Variants in FAM83C observed in about 807,000 individuals in gnomAD.
FAM83C encodes the protein protein FAM83C.
In FAM83C, 23 loss-of-function variants were observed where a neutral mutation model predicts 27.1. The ratio of observed to expected loss-of-function variants is 0.85; its 90% CI spans 0.61 to 1.20. The LOEUF is 1.20. FAM83C is among the 50% of genes most tolerant of loss of function. The probability of loss-of-function intolerance (pLI) is 0.00; values close to 1 mark genes in which losing one functional copy is unlikely to be tolerated. For missense variants in FAM83C, 984 were observed against 1,001.3 expected, an observed-to-expected ratio of 0.98 and a Z score of 0.23; for synonymous variants, 426 against 423.1, an observed-to-expected ratio of 1.01 and a Z score of -0.09.
Position 35,287,695 on chromosome 20 carries a change from A to G in FAM83C, c.1084T>C (p.Tyr362His), listed in dbSNP as rs1027501291. ...KQSPLMGRSS[Y>H]LALPGGGDCS... is the part of the protein sequence containing the mutation. ...TCACCACCTCCTGGTAGAGCGAGGTAGGAGGAGCGACCCATAAGCGGTGAC... is the reference window on the plus strand; with the variant it reads ...TCACCACCTCCTGGTAGAGCGAGGTGGGAGGAGCGACCCATAAGCGGTGAC... Residue 362 changes from tyrosine to histidine, a missense_variant, in exon 4 of 4, where the codon TAC becomes CAC. Physicochemically the swap from Tyr to His is moderately conservative, Grantham distance 83 (BLOSUM62 2). Coordinates refer to ENST00000374408, the MANE Select transcript of FAM83C (RefSeq NM_178468.6). 3.7e-6 allele frequency: 6 copies of G among 1,613,984 alleles called. No individual in the cohort carries two copies. Among genetic ancestry groups the G allele is most frequent in the African/African-American group, 1.3e-5 (1 of 74,980 alleles).
rs1474245176 is a variant in FAM83C at position 35,292,243 on chromosome 20, C to T, written c.62G>A (p.Gly21Asp). ...CGGCAGCTTCAGCTCTTCCACCCGG[C>T]CCCGCAGGGGTCCCGCCATGCCCTG... ...GAQGMAGPLRGRVEELKLPWW... is the reference protein window; with the variant it reads ...GAQGMAGPLRDRVEELKLPWW... Residue 21 changes from glycine (G) to aspartate (D), a missense_variant, in exon 1 of 4, where the codon GGC becomes GAC. Transcript: ENST00000374408. 2 of 1,561,340 alleles carry T rather than the reference C, an allele frequency of 1.3e-6. No individual in the cohort carries two copies. Among genetic ancestry groups the T allele is most frequent in the Non-Finnish European group, 1.7e-6 (2 of 1,162,094 alleles).
chr20:35,286,372 T>C lies in FAM83C; in HGVS notation c.*163A>G. 1 of 606,902 alleles carries C rather than the reference T, an allele frequency of 1.6e-6. No homozygotes were observed. Among genetic ancestry groups the C allele is most frequent in the South Asian group, 2.0e-5 (1 of 50,004 alleles). The allele number at this position is 606,902 out of a possible 1,614,324, so 37.6% of individuals were successfully genotyped here. Reference sequence around the variant, plus strand: ...TAGTTAGGGTGTGTGTGTGTGTGTGTGTGTGTGTGTGTGTACACAAGAATC... The same window carrying C: ...TAGTTAGGGTGTGTGTGTGTGTGTGCGTGTGTGTGTGTGTACACAAGAATC... On this transcript the variant is annotated 3_prime_UTR_variant, in exon 4 of 4. Coordinates refer to ENST00000374408, the MANE Select transcript of FAM83C (RefSeq NM_178468.6).
Position 35,289,077 on chromosome 20 carries a change from C to T in FAM83C, c.514-119G>A, listed in dbSNP as rs181593457. 3.3e-5 allele frequency: 43 copies of T among 1,305,326 alleles called. No individual in the cohort carries two copies. In the East Asian group the frequency reaches 9.6e-4, roughly 29 times the overall value. The allele number at this position is 1,305,326 out of a possible 1,614,324, so 80.9% of individuals were successfully genotyped here. ...GAGTACTGGACTGAAAATCAGGAGG[C>T]CAGAGCCTTCAAGAGCAAGTGAACA... On this transcript the variant is annotated intron_variant, in intron 1 of 3. Coordinates refer to ENST00000374408, the MANE Select transcript of FAM83C (RefSeq NM_178468.6).
Position 35,292,298 on chromosome 20 carries a change from C to G in FAM83C, c.7G>C (p.Gly3Arg), listed in dbSNP as rs765547645. The G allele has an allele frequency of 1.1e-4, 164 of 1,511,512 alleles. No homozygotes were observed. The highest frequency in any genetic ancestry group is 1.4e-4 in the Non-Finnish European group (161 of 1,136,080). 93.6% of individuals were successfully genotyped at this position (1,511,512 alleles called of 1,614,324 possible). ...CCCAGGACCCCAGGCCCCGGGCCTC[C>G]GAACATGCCTGCCACGCGGCTGCCT... MF[G>R]GPGPGVLGAQ... The change falls in exon 1 of 4, where the codon GGA becomes CGA. Residue 3 changes from glycine to arginine, a missense_variant. Physicochemically the swap from Gly to Arg is moderately radical, Grantham distance 125. Coordinates refer to ENST00000374408, the MANE Select transcript of FAM83C (RefSeq NM_178468.6).
In FAM83C at chr20:35,292,287, C is replaced by G. The variant is rs1225764612; in HGVS notation, c.18G>C (p.Gly6=). 1 of 1,530,862 alleles carries G rather than the reference C, an allele frequency of 6.5e-7. No individual in the cohort carries two copies. 94.8% of individuals were successfully genotyped at this position (1,530,862 alleles called of 1,614,324 possible). The change falls in exon 1 of 4, where the codon GGG becomes GGC. Residue 6 remains glycine, a synonymous_variant. Coordinates refer to ENST00000374408, the MANE Select transcript of FAM83C (RefSeq NM_178468.6). MFGGP[G]PGVLGAQGMA... Reference sequence around the variant, plus strand: ...TGCCCTGGGCTCCCAGGACCCCAGGCCCCGGGCCTCCGAACATGCCTGCCA... The same window carrying G: ...TGCCCTGGGCTCCCAGGACCCCAGGGCCCGGGCCTCCGAACATGCCTGCCA...
chr20:35,291,995 G>T lies in FAM83C; in HGVS notation c.310C>A (p.Arg104Ser). 2 of 1,613,426 alleles carry T rather than the reference G, an allele frequency of 1.2e-6. No individual in the cohort carries two copies. The highest frequency in any genetic ancestry group is 1.7e-4 in the Middle Eastern group (1 of 6,048). ...GTGACTTCAGAGAGCAGGCTGAGGC[G>T]GTCTGGCCCGGAGGCCTCCTGCCCC... ...AQGQEASGPD[R>S]LSLLSEVTSG... Residue 104 changes from arginine (R) to serine (S), a missense_variant, in exon 1 of 4, where the codon CGC becomes AGC. Physicochemically the swap from Arg to Ser is moderately radical, Grantham distance 110. Coordinates refer to ENST00000374408, the MANE Select transcript of FAM83C (RefSeq NM_178468.6).
At chr20:35,289,911 G>A (rs1482611408) in intron 1 of FAM83C, among the ~76,000 whole-genome samples, 4 of 152,166 alleles carry the variant, frequency 2.6e-5, no homozygotes, top group African/African-American at 9.7e-5. Context: ...CTGAGCCCCA[G>A]ATGGGACAGC....
intron 3 of FAM83C, 102 bp from the exon 4 acceptor site, chr20:35,288,074 C>G (rs2060835390): frequency 1.0e-6 from 1 of 966,820 alleles, no homozygotes; most frequent in Non-Finnish European, 1.5e-6. Context: ...CACGCTAGAC[C>G]CAAACCCCAC....
Position 35,286,386 on chromosome 20 carries a change from T to TGTAA in FAM83C, c.*148_*149insTTAC. 3.5e-6 allele frequency: 2 copies of TGTAA among 575,524 alleles called. No homozygotes were observed. Among genetic ancestry groups the TGTAA allele is most frequent in the Non-Finnish European group, 5.8e-6 (2 of 346,430 alleles). 35.7% of individuals were successfully genotyped at this position (575,524 alleles called of 1,614,324 possible). On this transcript the variant is annotated 3_prime_UTR_variant, in exon 4 of 4. Coordinates refer to ENST00000374408, the MANE Select transcript of FAM83C (RefSeq NM_178468.6). ...GTGTGTGTGTGTGTGTGTGTGTGTG[T>TGTAA]ACACAAGAATCTTGAGCCCAGAGAG...
chr20:35,287,536 C>G lies in FAM83C; in HGVS notation c.1243G>C (p.Gly415Arg). The change falls in exon 4 of 4, where the codon GGC becomes CGC. Residue 415 changes from glycine (G) to arginine (R), a missense_variant. By Grantham distance (125) the Gly-to-Arg change is moderately radical. Coordinates refer to ENST00000374408, the MANE Select transcript of FAM83C (RefSeq NM_178468.6). ...SPPGLYRANL[G>R]KLGAYPWSQS... ...GACCATGGGTATGCCCCTAGCTTGC[C>G]GAGATTGGCCCTATAGAGCCCAGGA... The G allele has an allele frequency of 1.9e-6, 3 of 1,614,046 alleles. No individual in the cohort carries two copies. The highest frequency in any genetic ancestry group is 2.5e-6 in the Non-Finnish European group (3 of 1,179,984).
rs544428835 is a variant in FAM83C, at chr20:35,291,393, G to A, written c.513+399C>T. Among the ~76,000 whole-genome samples, 3 of 152,354 alleles carry A rather than the reference G, an allele frequency of 2.0e-5. No individual in the cohort carries two copies. The East Asian group carries it at 5.8e-4, about 29-fold the overall frequency. ...CTCAGTTTCTTCTTCTATAAGTGAA[G>A]GAGGTGACTCAGATGTTCCCCAAGG... On this transcript the variant is annotated intron_variant, in intron 1 of 3. Transcript: ENST00000374408.
Position 35,287,175 on chromosome 20 carries a change from C to T in FAM83C, c.1604G>A (p.Arg535Gln), listed in dbSNP as rs763586783. 8.7e-6 allele frequency: 14 copies of T among 1,607,870 alleles called. No individual in the cohort carries two copies. Among genetic ancestry groups the T allele is most frequent in the Admixed American group, 3.3e-5 (2 of 59,908 alleles). ...GTCCTCTGGGGCCTGCTCGCCAGGC[C>T]GAAGGGGGCCTGAGTTGGGGGTAAC... The part of the protein sequence containing the change: ...SGVTPNSGPL[R>Q]PGEQAPEDRR... Residue 535 changes from arginine (R) to glutamine (Q), a missense_variant, in exon 4 of 4, where the codon CGG becomes CAG. By Grantham distance (43) the Arg-to-Gln change is conservative. Transcript: ENST00000374408.
At position 35,287,220 on chromosome 20, in the gene FAM83C, A is replaced by G. The variant is rs1191725989; in HGVS notation, c.1559T>C (p.Val520Ala). The G allele has an allele frequency of 9.3e-6, 15 of 1,612,334 alleles. No homozygotes were observed. The highest frequency in any genetic ancestry group is 1.2e-5 in the Non-Finnish European group (14 of 1,179,950). ...LLVPFPRAREVGDPDSGVTPN... is the reference protein window; with the variant it reads ...LLVPFPRAREAGDPDSGVTPN... ...GGTAACCCCAGAGTCAGGGTCTCCCACTTCTCGGGCTCTGGGGAAGGGGAC... is the reference window on the plus strand; with the variant it reads ...GGTAACCCCAGAGTCAGGGTCTCCCGCTTCTCGGGCTCTGGGGAAGGGGAC... The change falls in exon 4 of 4, where the codon GTG becomes GCG. Residue 520 changes from valine to alanine, a missense_variant. Physicochemically the swap from Val to Ala is moderately conservative, Grantham distance 64. Transcript: ENST00000374408.
At chr20:35,289,124 C>T (rs2060839310) in intron 1 of FAM83C, among the ~76,000 whole-genome samples, 166 bp from the exon 2 acceptor site, 1 of 152,210 alleles carries the variant, frequency 6.6e-6, no homozygotes, top group Admixed American at 6.5e-5. Context: ...TAGCAGTGAC[C>T]TAGCCCAGGG....
At chr20:35,289,045 G>T in intron 1 of FAM83C, 87 bp from the exon 2 acceptor site, 17 of 1,502,118 alleles carry the variant, frequency 1.1e-5, no homozygotes, top group Non-Finnish European at 1.5e-5. Flanking sequence ...ACTGGGCGCC[G>T]GGAAAAGAGT....
chr20:35,287,673 C>T lies in FAM83C; in HGVS notation c.1106G>A (p.Gly369Asp), dbSNP rs755561921. Reference sequence around the variant, plus strand: ...CACCACACCCGTATCACTGCAATCACCACCTCCTGGTAGAGCGAGGTAGGA... The same window carrying T: ...CACCACACCCGTATCACTGCAATCATCACCTCCTGGTAGAGCGAGGTAGGA... The part of the protein sequence containing the change: ...RSSYLALPGG[G>D]DCSDTGVVSS... Residue 369 changes from glycine (G) to aspartate (D), a missense_variant, in exon 4 of 4, where the codon GGT becomes GAT. By Grantham distance (94) the Gly-to-Asp change is moderately conservative. Transcript: ENST00000374408. The T allele has an allele frequency of 6.8e-6, 11 of 1,613,920 alleles. No homozygotes were observed. In the East Asian group the frequency reaches 2.0e-4, roughly 29 times the overall value.
chr20:35,288,736 G>T (rs2060837795), intron 2 of FAM83C, 55 bp downstream of exon 2: 1 of 1,538,814 alleles, frequency 6.5e-7, no homozygotes, highest in Admixed American at 1.8e-5. Context: ...TGGCTCCCCT[G>T]CCCTCCCTGA....
chr20:35,288,882 C>G lies in FAM83C; in HGVS notation c.590G>C (p.Gly197Ala). 6.2e-7 allele frequency: 1 copy of G among 1,614,184 alleles called. No homozygotes were observed. The highest frequency in any genetic ancestry group is 8.5e-7 in the Non-Finnish European group (1 of 1,180,038). The change falls in exon 2 of 4, where the codon GGT (glycine) becomes GCT (alanine). Residue 197 changes from glycine to alanine, a missense_variant. Gly to Ala is a moderately conservative substitution (Grantham distance 60). Coordinates refer to ENST00000374408, the MANE Select transcript of FAM83C (RefSeq NM_178468.6). ...GGCAAGGAGCAGGTACACAGGGACA[C>G]CACGCCGGCTTGAGGCCTCCATGAG... ...CDLMEASSRR[G>A]VPVYLLLAQE...
intron 1 of FAM83C, 38 bp from the exon 2 acceptor site, chr20:35,288,996 C>G: frequency 6.3e-7 from 1 of 1,593,530 alleles, no homozygotes; most frequent in Non-Finnish European, 8.6e-7. Context: ...CAGCGCTGCC[C>G]AGGGCACTCC....
Sources: allele counts gnomAD v4.1 joint callset (sites outside exome capture counted in the v4.1 genomes callset), GRCh38; gene constraint gnomAD v4.1.1; transcripts MANE v1.5; gene names NCBI Gene and HGNC (gene_info 2026-07-23, HGNC 2026-07-21).